PREP: variants seen among roughly 807,000 people sequenced by gnomAD.
PREP encodes the protein prolyl endopeptidase.
Under a neutral mutation model 87.6 loss-of-function variants are expected in PREP, and 29 were observed. The observed-to-expected ratio is 0.33, with a 90% CI of 0.25 to 0.45. PREP has a LOEUF of 0.45. PREP is among the 20% of genes least tolerant of loss of function. The pLI, the probability that PREP is intolerant of heterozygous loss-of-function variation, is 1.00. For missense variants in PREP, 695 were observed against 886.5 expected, an observed-to-expected ratio of 0.78 and a Z score of 2.74; for synonymous variants, 337 against 328.6, an observed-to-expected ratio of 1.03 and a Z score of -0.28.
chr6:105,343,283 T>C (rs1200041127), intron 7 of PREP, among the ~76,000 whole-genome samples: 4 of 152,180 alleles, frequency 2.6e-5, no homozygotes, highest in Non-Finnish European at 4.4e-5. Context: ...GGGAAAGGAT[T>C]CCCTATTTAA....
At chr6:105,319,226 G>A (rs1367187235) in intron 10 of PREP, among the ~76,000 whole-genome samples, 2 of 152,132 alleles carry the variant, frequency 1.3e-5, no homozygotes, top group Non-Finnish European at 2.9e-5. Context: ...CAACAGTAAA[G>A]ATAATAAAAT....
intron 5 of PREP, among the ~76,000 whole-genome samples, chr6:105,369,457 T>C (rs1380601983): frequency 6.6e-6 from 1 of 152,220 alleles, no homozygotes; most frequent in African/African-American, 2.4e-5. Flanking sequence ...ATTGACAAAC[T>C]GATTCTAAAG....
chr6:105,359,528 C>T (rs140367232), intron 6 of PREP, among the ~76,000 whole-genome samples: 15 of 152,282 alleles, frequency 9.9e-5, no homozygotes, highest in African/African-American at 3.4e-4. Flanking sequence ...TATTCAAGTA[C>T]GTACATTCAT....
At chr6:105,392,730 C>T (rs999167509) in intron 2 of PREP, among the ~76,000 whole-genome samples, 2 of 152,204 alleles carry the variant, frequency 1.3e-5, no homozygotes, top group Non-Finnish European at 2.9e-5. Context: ...GCATGTGCCG[C>T]CATGCACGGC....
At chr6:105,295,594 TTC>T (rs1429084998) in intron 10 of PREP, among the ~76,000 whole-genome samples, 1 of 152,124 alleles carries the variant, frequency 6.6e-6, no homozygotes, top group Admixed American at 6.5e-5. Flanking sequence ...CAATGAACGT[TTC>T]TGTCTTTCTC....
At chr6:105,292,635 C>T (rs570137504) in intron 10 of PREP, among the ~76,000 whole-genome samples, 1 of 152,274 alleles carries the variant, frequency 6.6e-6, no homozygotes, top group African/African-American at 2.4e-5. Flanking sequence ...AGAAGAAAGT[C>T]AGCCTGTCCC....
At chr6:105,332,498 CT>C (rs1308351041) in intron 8 of PREP, among the ~76,000 whole-genome samples, 1 of 152,090 alleles carries the variant, frequency 6.6e-6, no homozygotes, top group African/African-American at 2.4e-5. Context: ...TCAAAGGGGA[CT>C]TTTTTTCCTC....
At chr6:105,374,430 C>G (rs1263584547) in intron 4 of PREP, among the ~76,000 whole-genome samples, 1 of 151,858 alleles carries the variant, frequency 6.6e-6, no homozygotes, top group East Asian at 1.9e-4. Flanking sequence ...TTAAGAAGCT[C>G]AACTATTATT....
chr6:105,364,150 G>A (rs750932408), intron 6 of PREP, among the ~76,000 whole-genome samples: 24 of 152,196 alleles, frequency 1.6e-4, no homozygotes, highest in Non-Finnish European at 3.2e-4. Flanking sequence ...CTGGGTAGAG[G>A]GCGAAAGCAT....
At position 105,322,908 on chromosome 6, in the gene PREP, G is replaced by A. The variant is rs982863116; in HGVS notation, c.1317+757C>T. ...AGAAACATTGTGGGGAACATCCAGC[G>A]CTCTTTATTCTCATCTTCCTTCACA... On this transcript the variant is annotated intron_variant, in intron 10 of 14. Transcript: ENST00000652536. The A allele has an allele frequency of 1.8e-5, 21 of 1,198,852 alleles. No homozygotes were observed. The African/African-American group carries it at 1.9e-4, about 11-fold the overall frequency. 74.3% of individuals were successfully genotyped at this position (1,198,852 alleles called of 1,614,324 possible). A position where few individuals can be genotyped will look rare whatever the true frequency, so the allele number is the denominator to read the frequency against.
intron 6 of PREP, among the ~76,000 whole-genome samples, chr6:105,356,839 T>C (rs1160019076): frequency 3.3e-5 from 5 of 152,256 alleles, no homozygotes; most frequent in Non-Finnish European, 5.9e-5. Context: ...TCTATCATTA[T>C]GTCTTAAACA....
intron 7 of PREP, among the ~76,000 whole-genome samples, chr6:105,348,878 CAAA>C (rs1300160085): frequency 4.3e-5 from 4 of 92,284 alleles, no homozygotes; most frequent in Admixed American, 1.2e-4. Context: ...GATTCCGTCT[CAAA>C]AAAAAAAAAA....
intron 10 of PREP, among the ~76,000 whole-genome samples, chr6:105,310,507 GC>G (rs1334757205): frequency 6.6e-5 from 10 of 152,018 alleles, no homozygotes; most frequent in African/African-American, 2.2e-4. Flanking sequence ...TTCCTCATTT[GC>G]CCAACCATCA....
intron 12 of PREP, 96 bp from the exon 13 acceptor site, chr6:105,282,678 C>CTGAT (rs1354162375): frequency 1.6e-5 from 22 of 1,392,386 alleles, no homozygotes; most frequent in African/African-American, 2.9e-5. Flanking sequence ...GTTTCAAATA[C>CTGAT]TGATTAACTT....
At position 105,288,777 on chromosome 6, in the gene PREP, A is replaced by G. The variant is rs148303604; in HGVS notation, c.1435T>C (p.Ser479Pro). 6.8e-6 allele frequency: 11 copies of G among 1,613,968 alleles called. No individual in the cohort carries two copies. The highest frequency in any genetic ancestry group is 1.3e-5 in the African/African-American group (1 of 74,920). The change falls in exon 11 of 15, where the codon TCC becomes CCC. Residue 479 changes from serine (S) to proline (P), a missense_variant. Coordinates refer to ENST00000652536, the MANE Select transcript of PREP (RefSeq NM_002726.5). ...FLYGYGGFNI[S>P]ITPNYSVSRL... ...GCTCACCTGTAGTTGGGTGTGATGG[A>G]TATGTTGAAGCCGCCATAGCCATAT...
chr6:105,378,365 C>T (rs749858861), intron 2 of PREP, among the ~76,000 whole-genome samples: 1 of 152,124 alleles, frequency 6.6e-6, no homozygotes, highest in Non-Finnish European at 1.5e-5. Context: ...GTGGCTGAGG[C>T]ACAAAAATCG....
At chr6:105,314,181 T>G (rs1770814603) in intron 10 of PREP, among the ~76,000 whole-genome samples, 3 of 152,256 alleles carry the variant, frequency 2.0e-5, no homozygotes, top group Admixed American at 2.0e-4. Context: ...AATGATCATC[T>G]GGGTCTTCAG....
chr6:105,319,801 C>A (rs1018966981), intron 10 of PREP, among the ~76,000 whole-genome samples: 2 of 152,210 alleles, frequency 1.3e-5, no homozygotes, highest in Admixed American at 6.5e-5. Flanking sequence ...CTGACCACCA[C>A]AGCACTGACC....
chr6:105,275,249 G>A lies in PREP; in HGVS notation c.*2895C>T, dbSNP rs989602385. On this transcript the variant is annotated 3_prime_UTR_variant, in exon 15 of 15. Transcript: ENST00000652536. ...GGAACTTCCAGAGGCTGGTAAAACT[G>A]ACAAACCTTGAGAGACTGGTGACAG... is the stretch of plus-strand genomic sequence containing the variant. 6.6e-6 allele frequency among the ~76,000 whole-genome samples: 1 copy of A among 152,202 alleles called. No homozygotes were observed. The highest frequency in any genetic ancestry group is 1.5e-5 in the Non-Finnish European group (1 of 68,038).
Sources: gnomAD v4.1 joint callset for allele counts (sites outside exome capture counted in the v4.1 genomes callset) on GRCh38, gnomAD v4.1.1 for gene constraint, MANE v1.5 for transcripts, NCBI Gene and HGNC (gene_info 2026-07-23, HGNC 2026-07-21) for gene names.